Variants in ARRB1 observed in about 807,000 individuals in gnomAD.
ARRB1 encodes arrestin beta 1.
In ARRB1, 21 loss-of-function variants were observed where a neutral mutation model predicts 56.8. The ratio of observed to expected loss-of-function variants is 0.37; its 90% CI spans 0.26 to 0.53. The LOEUF is 0.53. Among genes scored for constraint, ARRB1 ranks in the 20% least tolerant of loss-of-function variants. ARRB1 has a pLI of 0.88. For missense variants in ARRB1, 424 were observed against 553.7 expected, an observed-to-expected ratio of 0.77 and a Z score of 2.35; for synonymous variants, 210 against 218.6, an observed-to-expected ratio of 0.96 and a Z score of 0.35.
chr11:75,269,817 C>G (rs532031103), intron 13 of ARRB1, among the ~76,000 whole-genome samples: 27 of 152,354 alleles, frequency 1.8e-4, no homozygotes, highest in African/African-American at 6.3e-4. Flanking sequence ...TAGATTCTGG[C>G]TCCATAACCA....
chr11:75,319,931 A>G (rs1231348094), intron 1 of ARRB1, among the ~76,000 whole-genome samples: 1 of 151,792 alleles, frequency 6.6e-6, no homozygotes, highest in Non-Finnish European at 1.5e-5. Flanking sequence ...GCAGCACAAA[A>G]CTCCTACCAA....
At chr11:75,347,133 G>T (rs181412834) in intron 1 of ARRB1, among the ~76,000 whole-genome samples, 1 of 152,262 alleles carries the variant, frequency 6.6e-6, no homozygotes, top group Non-Finnish European at 1.5e-5. Context: ...CCATGCCAAC[G>T]GGAGGCGTCA....
intron 1 of ARRB1, among the ~76,000 whole-genome samples, chr11:75,307,579 A>C (rs771757403): frequency 2.0e-5 from 3 of 152,244 alleles, no homozygotes; most frequent in Non-Finnish European, 4.4e-5. Context: ...CCTCCATCAC[A>C]CCAGGAGCTC....
intron 1 of ARRB1, among the ~76,000 whole-genome samples, chr11:75,308,111 C>T (rs1017972875): frequency 2.0e-5 from 3 of 152,270 alleles, no homozygotes; most frequent in Non-Finnish European, 4.4e-5. Flanking sequence ...GGTGCCAGCC[C>T]TGAGCCCGGC....
Position 75,274,478 on chromosome 11 carries a change from TA to T in ARRB1, c.777-268del, listed in dbSNP as rs1946147883. 3.7e-5 allele frequency: 15 copies of T among 402,130 alleles called. No homozygotes were observed. In the South Asian group the frequency reaches 6.5e-4, roughly 17 times the overall value. The allele number at this position is 402,130 out of a possible 1,614,324, so 24.9% of individuals were successfully genotyped here. On this transcript the variant is annotated intron_variant, in intron 10 of 15. Coordinates refer to ENST00000420843, the MANE Select transcript of ARRB1 (RefSeq NM_004041.5). ...TTATCCTAGTCAAGCAGCACAGTGC[TA>T]AAAAGCACATTTATTTAAAGAATTA...
intron 13 of ARRB1, among the ~76,000 whole-genome samples, chr11:75,270,251 C>T (rs1398185973): frequency 6.6e-6 from 1 of 152,224 alleles, no homozygotes; most frequent in Non-Finnish European, 1.5e-5. Flanking sequence ...GAGGCCAAGG[C>T]GGGCAGATCC....
At chr11:75,305,018 C>CTT (rs35323331) in intron 1 of ARRB1, among the ~76,000 whole-genome samples, 1,246 of 86,692 alleles carry the variant, frequency 0.014, 55 homozygotes, top group South Asian at 0.023. Context: ...TTCTTTCTTT[C>CTT]TTTTTTTTTT....
rs117944171 is a variant in ARRB1 at position 75,327,442 on chromosome 11, C to T, written c.20+24146G>A. Among the ~76,000 whole-genome samples, 1,482 of 151,948 alleles carry T rather than the reference C, an allele frequency of 9.8e-3. 12 individuals carry two copies. Among genetic ancestry groups the T allele is most frequent in the Middle Eastern group, 0.041 (12 of 294 alleles). Reference sequence around the variant, plus strand: ...TCAGCCTTCCAAAGTGCTGGGATTACAGGTGCGAACCACATCAACCAGCAG... The same window carrying T: ...TCAGCCTTCCAAAGTGCTGGGATTATAGGTGCGAACCACATCAACCAGCAG... On this transcript the variant is annotated intron_variant, in intron 1 of 15. Transcript: ENST00000420843.
chr11:75,319,783 G>C (rs1947318280), intron 1 of ARRB1, among the ~76,000 whole-genome samples: 2 of 152,050 alleles, frequency 1.3e-5, no homozygotes, highest in Non-Finnish European at 1.5e-5. Context: ...GGACCGTAAG[G>C]GTCCCCAGGG....
At position 75,266,195 on chromosome 11, in the gene ARRB1, C is replaced by A. The variant is rs761674066; in HGVS notation, c.1225G>T (p.Gly409Cys). 2 of 1,614,212 alleles carry A rather than the reference C, an allele frequency of 1.2e-6. No individual in the cohort carries two copies. Among genetic ancestry groups the A allele is most frequent in the Non-Finnish European group, 1.7e-6 (2 of 1,180,030 alleles). Reference sequence around the variant, plus strand: ...TTGTTGAGCTGTGGAGAGCCGGTACCATCCTCCTCTTCCTCCTTGTCATCC... The same window carrying A: ...TTGTTGAGCTGTGGAGAGCCGGTACAATCCTCCTCTTCCTCCTTGTCATCC... ...MKDDKEEEED[G>C]TGSPQLNNR The change falls in exon 16 of 16, where the codon GGT (glycine) becomes TGT (cysteine). Residue 409 changes from glycine (G) to cysteine (C), a missense_variant. Coordinates refer to ENST00000420843, the MANE Select transcript of ARRB1 (RefSeq NM_004041.5).
Position 75,290,106 on chromosome 11 carries a change from C to T in ARRB1, c.21-67G>A, listed in dbSNP as rs35495581. ...TGCCCAGGGGCAAGCTCCTGCGGGCCACCTTGAGGCAGGACTGGGGACCAG... is the reference window on the plus strand; with the variant it reads ...TGCCCAGGGGCAAGCTCCTGCGGGCTACCTTGAGGCAGGACTGGGGACCAG... On this transcript the variant is annotated intron_variant, in intron 1 of 15. Transcript: ENST00000420843. 6,475 of 1,600,892 alleles carry T rather than the reference C, an allele frequency of 4.0e-3. 159 individuals carry two copies. In the African/African-American group the frequency reaches 0.063, roughly 16 times the overall value.
At chr11:75,271,657 C>T (rs1946075991) in intron 13 of ARRB1, 44 bp downstream of exon 13, 1 of 1,546,544 alleles carries the variant, frequency 6.5e-7, no homozygotes, top group Non-Finnish European at 8.7e-7. Context: ...GGGCTCCAGG[C>T]CCTCCAGGAA....
chr11:75,315,162 C>G (rs1947244140), intron 1 of ARRB1, among the ~76,000 whole-genome samples: 1 of 152,202 alleles, frequency 6.6e-6, no homozygotes, highest in African/African-American at 2.4e-5. Context: ...GTCAGACTTT[C>G]TCGTACCAGA....
At chr11:75,305,408 C>T (rs958740479) in intron 1 of ARRB1, among the ~76,000 whole-genome samples, 6 of 152,106 alleles carry the variant, frequency 3.9e-5, no homozygotes, top group Admixed American at 3.3e-4. Context: ...ATCATACCCT[C>T]AAGGGTATTT....
chr11:75,269,669 G>C (rs944372964), intron 13 of ARRB1, among the ~76,000 whole-genome samples: 2 of 152,184 alleles, frequency 1.3e-5, no homozygotes, highest in African/African-American at 2.4e-5. Flanking sequence ...AAGGATTACT[G>C]TAAGCCCCTT....
intron 1 of ARRB1, among the ~76,000 whole-genome samples, chr11:75,305,019 T>TTTTTTTTTTTTTTTTTTTTTTTTTTC (rs1946993691): frequency 1.9e-5 from 1 of 52,848 alleles, no homozygotes; most frequent in Non-Finnish European, 4.5e-5. Context: ...TCTTTCTTTC[T>TTTTTTTTTTTTTTTTTTTTTTTTTTC]TTTTTTTTTT....
chr11:75,267,355 G>T (rs1052551728), intron 15 of ARRB1, among the ~76,000 whole-genome samples: 2 of 152,208 alleles, frequency 1.3e-5, no homozygotes, highest in Admixed American at 6.5e-5. Context: ...CCATGGACCA[G>T]CCCTGTGTGA....
intron 1 of ARRB1, among the ~76,000 whole-genome samples, chr11:75,293,783 C>A (rs565428765): frequency 6.6e-6 from 1 of 152,172 alleles, no homozygotes; most frequent in Admixed American, 6.5e-5. Flanking sequence ...TCACGGGATG[C>A]AGGCAGGATG....
chr11:75,279,364 G>A (rs2140418571), intron 7 of ARRB1, among the ~76,000 whole-genome samples: 1 of 152,308 alleles, frequency 6.6e-6, no homozygotes, highest in East Asian at 1.9e-4. Flanking sequence ...GCCCAGGGAG[G>A]GGAGAAGGCC....
Sources: gnomAD v4.1 joint callset for allele counts (sites outside exome capture counted in the v4.1 genomes callset) on GRCh38, gnomAD v4.1.1 for gene constraint, MANE v1.5 for transcripts, NCBI Gene and HGNC (gene_info 2026-07-23, HGNC 2026-07-21) for gene names.